GSTT4: variants seen among roughly 807,000 people sequenced by gnomAD.
The protein encoded by GSTT4 is glutathione S-transferase theta-4.
downstream of GSTT4, among the ~76,000 whole-genome samples, chr22:23,997,011 T>C (rs1342642636): frequency 6.7e-6 from 1 of 148,928 alleles, no homozygotes; most frequent in African/African-American, 2.5e-5. Flanking sequence ...AATCTCTTTA[T>C]TTGTTACAGG....
At chr22:23,993,961 C>G (rs1401407006), downstream of GSTT4, among the ~76,000 whole-genome samples, 1 of 152,210 alleles carries the variant, frequency 6.6e-6, no homozygotes, top group African/African-American at 2.4e-5. Context: ...AACTTTACAC[C>G]CAACAGTCAA....
At chr22:24,004,511 C>T in intron 1 of GSTT4, 1 of 154,122 alleles carries the variant, frequency 6.5e-6, no homozygotes. Context: ...AGTTGGAGCC[C>T]ACCCCTCTGA....
chr22:23,992,469 AG>A, the GSTT4 span, among the ~76,000 whole-genome samples: 1 of 150,466 alleles, frequency 6.6e-6, no homozygotes, highest in Admixed American at 6.8e-5. Flanking sequence ...AGTAGAGCAC[AG>A]GCCCCAGCCA....
At chr22:23,995,675 G>A (rs1435544812), downstream of GSTT4, among the ~76,000 whole-genome samples, 1 of 152,148 alleles carries the variant, frequency 6.6e-6, no homozygotes, top group East Asian at 1.9e-4. Context: ...AACACAAGAT[G>A]GGTGCTTGCT....
intron 2 of GSTT4, 104 bp downstream of exon 2, chr22:24,003,656 T>C (rs2034286614): frequency 6.5e-6 from 1 of 154,882 alleles, no homozygotes; most frequent in African/African-American, 2.4e-5. Context: ...CACTCTCCTT[T>C]AGTGCACGTG....
the GSTT4 span, among the ~76,000 whole-genome samples, chr22:23,990,489 A>G: frequency 4.4e-4 from 29 of 65,868 alleles, no homozygotes; most frequent in Admixed American, 7.0e-4. Flanking sequence ...GGGCACGGGG[A>G]CGTGCCTGTA....
At chr22:23,997,188 T>C (rs57827056), downstream of GSTT4, among the ~76,000 whole-genome samples, 1,492 of 151,990 alleles carry the variant, frequency 9.8e-3, no homozygotes, top group African/African-American at 0.034. Flanking sequence ...ATTTTCTTTC[T>C]TTCTGGTTTC....
At chr22:24,002,295 G>A (rs1242101204) in intron 2 of GSTT4, among the ~76,000 whole-genome samples, 4 of 152,264 alleles carry the variant, frequency 2.6e-5, no homozygotes, top group African/African-American at 7.2e-5. Context: ...AGCAACTATC[G>A]GGAAGGTTGT....
chr22:23,994,606 C>T (rs2034098126), downstream of GSTT4, among the ~76,000 whole-genome samples: 2 of 147,512 alleles, frequency 1.4e-5, no homozygotes, highest in Admixed American at 6.8e-5. Flanking sequence ...TACTTCATCC[C>T]TTCTTATGGC....
the GSTT4 span, among the ~76,000 whole-genome samples, chr22:23,992,782 C>CTTTTTTT: frequency 7.2e-4 from 102 of 141,996 alleles, no homozygotes; most frequent in East Asian, 2.1e-3. Flanking sequence ...CTCTACTATT[C>CTTTTTTT]TTTTTTTTTT....
intron 3 of GSTT4, among the ~76,000 whole-genome samples, chr22:24,000,524 T>A (rs1302053085): frequency 7.6e-6 from 1 of 132,164 alleles, no homozygotes; most frequent in Non-Finnish European, 1.5e-5. Flanking sequence ...GTACTGGTTA[T>A]TTGTCATCTT....
At chr22:23,999,813 T>A (rs2034186254) in intron 4 of GSTT4, among the ~76,000 whole-genome samples, 1 of 151,132 alleles carries the variant, frequency 6.6e-6, no homozygotes, top group African/African-American at 2.4e-5. Context: ...TTCTTCTCTA[T>A]CCCAGGCTCA....
chr22:23,992,252 C>T, the GSTT4 span, among the ~76,000 whole-genome samples: 176 of 141,570 alleles, frequency 1.2e-3, no homozygotes, highest in South Asian at 1.9e-3. Context: ...CTCTAGCTAA[C>T]GCCTCCCCGA....
At chr22:23,989,879 G>A in the GSTT4 span, among the ~76,000 whole-genome samples, 14 of 150,456 alleles carry the variant, frequency 9.3e-5, no homozygotes, top group South Asian at 6.6e-4. Context: ...GGGCCTCTTT[G>A]CCCTTCTACT....
downstream of GSTT4, among the ~76,000 whole-genome samples, chr22:23,993,840 G>A (rs1169514617): frequency 7.4e-6 from 1 of 135,618 alleles, no homozygotes; most frequent in Non-Finnish European, 1.6e-5. Context: ...CAAGGAGATA[G>A]GGACAAGTAG....
chr22:24,000,281 G>A (rs1354762319), intron 3 of GSTT4, 30 bp from the exon 4 acceptor site: 4 of 152,430 alleles, frequency 2.6e-5, no homozygotes, highest in Non-Finnish European at 4.4e-5. Context: ...GGAGGGAAGA[G>A]GAGGCTGCAC....
At chr22:23,995,260 G>A (rs371571593), downstream of GSTT4, among the ~76,000 whole-genome samples, 9 of 113,766 alleles carry the variant, frequency 7.9e-5, no homozygotes, top group African/African-American at 2.5e-4. Flanking sequence ...AGCCTCCTGA[G>A]TAGCTGGGAT....
chr22:23,992,000 C>T, the GSTT4 span, among the ~76,000 whole-genome samples: 3 of 145,842 alleles, frequency 2.1e-5, no homozygotes, highest in East Asian at 2.1e-4. Context: ...TTGCAGTGAG[C>T]CGAGCTCACG....
In GSTT4 at chr22:24,002,139, C is replaced by T. The variant is rs867391899; in HGVS notation, c.201-814G>A. 1.2e-3 allele frequency among the ~76,000 whole-genome samples: 189 copies of T among 152,236 alleles called. No homozygotes were observed. The Middle Eastern group carries it at 0.021, about 17-fold the overall frequency. On this transcript the variant is annotated intron_variant, in intron 2 of 4. Transcript: ENST00000621179. ...GCAGCCAGAGACACTGTGGAGTCCA[C>T]GTAGGGTAGCCCCTGGAGGTGCAGG...
Sources: allele counts gnomAD v4.1 joint callset (sites outside exome capture counted in the v4.1 genomes callset), GRCh38; gene constraint gnomAD v4.1.1; transcripts MANE v1.5; gene names NCBI Gene and HGNC (gene_info 2026-07-23, HGNC 2026-07-21).